Variants in PCNX2 observed in about 807,000 individuals in gnomAD.
PCNX2 encodes pecanex-like protein 2.
PCNX2 carries 168 observed loss-of-function variants against 223.8 expected under a neutral mutation model. The observed-to-expected ratio is 0.75, with a 90% CI of 0.66 to 0.85. The LOEUF is 0.85. Among genes scored for constraint, PCNX2 ranks in the 40% least tolerant of loss-of-function variants. PCNX2 has a pLI of 0.00. For missense variants in PCNX2, 2,507 were observed against 2,675.5 expected (o/e 0.94, Z 1.39); for synonymous variants, 1,006 against 1,052.6 (o/e 0.96, Z 0.86).
the PCNX2 span, among the ~76,000 whole-genome samples, chr1:233,324,095 C>T: frequency 1.3e-5 from 2 of 152,324 alleles, no homozygotes; most frequent in Non-Finnish European, 2.9e-5. Flanking sequence ...TTCCCTTAAG[C>T]CAAAGCCTAA....
At chr1:233,096,146 A>G (rs1674151851) in intron 21 of PCNX2, among the ~76,000 whole-genome samples, 2 of 152,232 alleles carry the variant, frequency 1.3e-5, no homozygotes. Context: ...CAGAAGAACA[A>G]TCACACCTTG....
chr1:233,047,060 T>C (rs1421505789), intron 25 of PCNX2, among the ~76,000 whole-genome samples: 3 of 152,132 alleles, frequency 2.0e-5, no homozygotes, highest in African/African-American at 4.8e-5. Context: ...GACTGAGTGG[T>C]ACCATGGAGG....
At chr1:233,158,771 C>T (rs1336511019) in intron 19 of PCNX2, among the ~76,000 whole-genome samples, 1 of 152,062 alleles carries the variant, frequency 6.6e-6, no homozygotes, top group African/African-American at 2.4e-5. Flanking sequence ...ATAACAAACC[C>T]CAAAACACTC....
At chr1:233,195,846 C>T (rs995406917) in intron 15 of PCNX2, among the ~76,000 whole-genome samples, 4 of 152,156 alleles carry the variant, frequency 2.6e-5, no homozygotes, top group Admixed American at 6.5e-5. Flanking sequence ...GATGTCAGTT[C>T]TCCCCAAATT....
At chr1:233,084,924 C>A (rs1386184027) in intron 23 of PCNX2, among the ~76,000 whole-genome samples, 1 of 152,166 alleles carries the variant, frequency 6.6e-6, no homozygotes. Context: ...TTTTTAAAGA[C>A]CTTGTTAGTC....
At chr1:233,296,570 G>A (rs1457245373), upstream of PCNX2, among the ~76,000 whole-genome samples, 3 of 152,188 alleles carry the variant, frequency 2.0e-5, no homozygotes, top group Admixed American at 6.5e-5. Context: ...TCTTTTGAGA[G>A]TGGGTTTTGG....
rs774433638 is a variant in PCNX2, at chr1:233,295,427, T to C, written c.52A>G (p.Thr18Ala). The C allele has an allele frequency of 2.8e-5, 44 of 1,551,744 alleles. No homozygotes were observed. The highest frequency in any genetic ancestry group is 3.7e-5 in the Non-Finnish European group (42 of 1,147,278). The change falls in exon 1 of 34, where the codon ACC becomes GCC. Residue 18 changes from threonine to alanine, a missense_variant. Transcript: ENST00000258229. This position sits in a 1 kb window ranked among gnomAD's most constrained non-coding sequence, Gnocchi z 4.1. ...LLRQGVWAALTGGWYHDPEQS... is the reference protein window; with the variant it reads ...LLRQGVWAALAGGWYHDPEQS... The stretch of plus-strand genomic sequence containing the variant: ...TCCGGGTCGTGGTACCAGCCCCCGG[T>C]GAGCGCGGCCCACACGCCCTGCCGG...
intron 28 of PCNX2, among the ~76,000 whole-genome samples, chr1:233,008,673 C>A (rs556058319): frequency 6.6e-6 from 1 of 152,188 alleles, no homozygotes; most frequent in African/African-American, 2.4e-5. Flanking sequence ...TCTTCAATGA[C>A]ACAGTGGATG....
intron 15 of PCNX2, among the ~76,000 whole-genome samples, chr1:233,188,749 C>T (rs1270253986): frequency 1.3e-5 from 2 of 152,140 alleles, no homozygotes; most frequent in Non-Finnish European, 2.9e-5. Flanking sequence ...TCTCAAACTC[C>T]TGACCTCATG....
the PCNX2 span, among the ~76,000 whole-genome samples, chr1:233,309,545 AT>A: frequency 5.0e-4 from 64 of 127,012 alleles, 1 homozygote; most frequent in African/African-American, 1.5e-3. Flanking sequence ...CCTCAAAAAA[AT>A]AATAATAATA....
chr1:233,327,235 C>G, the PCNX2 span, among the ~76,000 whole-genome samples: 2 of 152,122 alleles, frequency 1.3e-5, no homozygotes, highest in African/African-American at 4.8e-5. Context: ...TTACCTTTGG[C>G]TTAATTTAAA....
intron 26 of PCNX2, among the ~76,000 whole-genome samples, chr1:233,022,620 AAC>A (rs1030984310): frequency 4.6e-5 from 7 of 152,054 alleles, no homozygotes; most frequent in African/African-American, 1.4e-4. Context: ...GGGAGTGGGA[AAC>A]ACAGCCAGTG....
chr1:233,050,237 T>C (rs1168807735), intron 25 of PCNX2, among the ~76,000 whole-genome samples: 2 of 150,866 alleles, frequency 1.3e-5, no homozygotes, highest in Non-Finnish European at 3.0e-5. Flanking sequence ...TAAAGTATAA[T>C]AAAAAAAATG....
chr1:233,290,583 G>T, intron 1 of PCNX2: 1 of 297,184 alleles, frequency 3.4e-6, no homozygotes, highest in Non-Finnish European at 5.0e-6. Context: ...CACCAGAATG[G>T]GAAACGGCTG....
At chr1:233,237,041 T>C in intron 8 of PCNX2, 61 bp from the exon 9 acceptor site, 5 of 1,600,430 alleles carry the variant, frequency 3.1e-6, no homozygotes, top group Non-Finnish European at 3.4e-6. Flanking sequence ...ATCTATTTAT[T>C]ATACACAAAC....
intron 15 of PCNX2, among the ~76,000 whole-genome samples, chr1:233,184,662 G>A (rs1679990311): frequency 6.6e-6 from 1 of 152,092 alleles, no homozygotes; most frequent in Non-Finnish European, 1.5e-5. Context: ...TATATTAGTA[G>A]AAGTCTGTAT....
chr1:233,266,064 C>A (rs1660315824), intron 1 of PCNX2, among the ~76,000 whole-genome samples: 1 of 152,202 alleles, frequency 6.6e-6, no homozygotes, highest in South Asian at 2.1e-4. Context: ...GACCACTTGG[C>A]ACTTTGTCAT....
intron 28 of PCNX2, among the ~76,000 whole-genome samples, chr1:233,011,940 T>C (rs1431467399): frequency 2.0e-5 from 3 of 152,206 alleles, no homozygotes; most frequent in African/African-American, 7.2e-5. Flanking sequence ...ACCCCTCATG[T>C]AGAAGCCAGT....
intron 23 of PCNX2, among the ~76,000 whole-genome samples, chr1:233,064,586 C>T (rs1431594265): frequency 6.6e-6 from 1 of 152,152 alleles, no homozygotes; most frequent in Non-Finnish European, 1.5e-5. Context: ...ATGTCAGTCC[C>T]TATGTTACTG....
Sources: gnomAD v4.1 joint callset for allele counts (sites outside exome capture counted in the v4.1 genomes callset) on GRCh38, gnomAD v4.1.1 for gene constraint, Gnocchi (gnomAD v3.1) non-coding constraint, MANE v1.5 for transcripts, NCBI Gene and HGNC (gene_info 2026-07-23, HGNC 2026-07-21) for gene names.